PPP1R16A: variants seen among roughly 807,000 people sequenced by gnomAD.
The protein encoded by PPP1R16A is protein phosphatase 1 regulatory subunit 16A.
Under a neutral mutation model 46.6 loss-of-function variants are expected in PPP1R16A, and 39 were observed. The ratio of observed to expected loss-of-function variants is 0.84; its 90% confidence interval spans 0.65 to 1.09. The LOEUF is 1.09. Among genes scored for constraint, PPP1R16A ranks in the 50% least tolerant of loss-of-function variants. The pLI is 0.00. For synonymous variants in PPP1R16A, 413 were observed against 321.5 expected (o/e 1.28, Z -3.04); for missense variants, 798 against 735.6 (o/e 1.08, Z -0.98).
intron 5 of PPP1R16A, chr8:144,499,603 TCACA>T (rs563313473): frequency 2.2e-4 from 41 of 182,336 alleles, no homozygotes; most frequent in African/African-American, 9.0e-4. Flanking sequence ...GGCGGTCGCG[TCACA>T]CACAGGCGCT....
chr8:144,497,363 G>T lies in PPP1R16A; in HGVS notation c.169G>T (p.Glu57Ter). 1 of 1,612,928 alleles carries T rather than the reference G, an allele frequency of 6.2e-7. No homozygotes were observed. Among genetic ancestry groups the T allele is most frequent in the Non-Finnish European group, 8.5e-7 (1 of 1,180,006 alleles). The part of the protein sequence containing the change: ...KKGPGERPRK[E>*]AASQGLLKQV... Reference sequence around the variant, plus strand: ...GGGTCCTGGGGAGCGTCCCCGGAAGGAGGCAGCCAGCCAAGGGCTCCTGAA... The same window carrying T: ...GGGTCCTGGGGAGCGTCCCCGGAAGTAGGCAGCCAGCCAAGGGCTCCTGAA... The change falls in exon 3 of 12, where the codon GAG (glutamate) becomes TAG (stop). Residue 57 changes from glutamate (E) to a stop codon, truncating the protein, a stop_gained. Coordinates refer to ENST00000435887, the MANE Select transcript of PPP1R16A (RefSeq NM_001329443.2). LOFTEE classifies it high-confidence loss of function.
intron 1 of PPP1R16A, 60 bp downstream of exon 1, chr8:144,478,187 CAGGGAG>C: frequency 2.5e-6 from 1 of 393,386 alleles, no homozygotes. Flanking sequence ...GGGCCCCGGC[CAGGGAG>C]AGCAGTGGCG....
chr8:144,488,236 A>G (rs764746541), intron 1 of PPP1R16A, among the ~76,000 whole-genome samples: 1 of 148,336 alleles, frequency 6.7e-6, no homozygotes, highest in African/African-American at 2.5e-5. Flanking sequence ...TCCAGGGGAT[A>G]TGCTTTGGGA....
At chr8:144,492,913 G>A (rs1002669013) in intron 2 of PPP1R16A, among the ~76,000 whole-genome samples, 7 of 152,102 alleles carry the variant, frequency 4.6e-5, no homozygotes, top group East Asian at 1.9e-4. Context: ...GGCTCTCGTC[G>A]CACCATGGAC....
At chr8:144,486,217 C>G (rs1825622647) in intron 1 of PPP1R16A, among the ~76,000 whole-genome samples, 1 of 151,886 alleles carries the variant, frequency 6.6e-6, no homozygotes, top group African/African-American at 2.4e-5. Flanking sequence ...GATCTCGCGC[C>G]ACCACACCTG....
At chr8:144,479,977 G>A (rs906459624) in intron 1 of PPP1R16A, among the ~76,000 whole-genome samples, 1 of 152,226 alleles carries the variant, frequency 6.6e-6, no homozygotes, top group Non-Finnish European at 1.5e-5. Context: ...TGCTGCCTAT[G>A]AGTCAGGAAC....
rs979974848 is a variant in PPP1R16A, at chr8:144,500,375, A to G, written c.689A>G (p.Asp230Gly). Residue 230 changes from aspartate to glycine, a missense_variant, in exon 7 of 12, where the codon GAC (aspartate) becomes GGC (glycine). Asp to Gly is a moderately conservative substitution (Grantham distance 94). Transcript: ENST00000435887. ...QAGADLHAPL[D>G]HGATLLHVAA... ...GGGGCAGACCTCCATGCCCCCCTGG[A>G]CCACGGGGCCACGCTGGTGAGGGCT... is the stretch of plus-strand genomic sequence containing the variant. 6.5e-7 allele frequency: 1 copy of G among 1,530,802 alleles called. No homozygotes were observed. The highest frequency in any genetic ancestry group is 1.4e-5 in the African/African-American group (1 of 72,962). The allele number at this position is 1,530,802 out of a possible 1,614,324, so 94.8% of individuals were successfully genotyped here. A position where few individuals can be genotyped will look rare whatever the true frequency, so the allele number is the denominator to read the frequency against.
At chr8:144,483,795 G>T (rs1825535389) in intron 1 of PPP1R16A, among the ~76,000 whole-genome samples, 1 of 152,116 alleles carries the variant, frequency 6.6e-6, no homozygotes, top group South Asian at 2.1e-4. Flanking sequence ...CAAACTCCTG[G>T]GTTCAAGCAA....
At chr8:144,482,821 G>A (rs909689720) in intron 1 of PPP1R16A, among the ~76,000 whole-genome samples, 4 of 152,066 alleles carry the variant, frequency 2.6e-5, no homozygotes, top group Non-Finnish European at 5.9e-5. Flanking sequence ...GCTGATTTTT[G>A]TAATTTTAGT....
intron 1 of PPP1R16A, among the ~76,000 whole-genome samples, chr8:144,489,600 G>A (rs1368916328): frequency 6.6e-6 from 1 of 152,100 alleles, no homozygotes; most frequent in African/African-American, 2.4e-5. Context: ...GCTTCATGTG[G>A]CTGCAGAGGC....
chr8:144,486,833 G>C (rs1825642780), intron 1 of PPP1R16A, among the ~76,000 whole-genome samples: 2 of 152,094 alleles, frequency 1.3e-5, no homozygotes, highest in Admixed American at 6.6e-5. Context: ...TTTTTAGCAA[G>C]GCAAAAGTTT....
chr8:144,501,371 C>T (rs1263914551), intron 11 of PPP1R16A, 77 bp downstream of exon 11: 16 of 1,500,416 alleles, frequency 1.1e-5, no homozygotes, highest in Non-Finnish European at 1.3e-5. Context: ...GCTTGGACCC[C>T]CTCCTGCCTG....
At position 144,500,759 on chromosome 8, in the gene PPP1R16A, T is replaced by C. The variant is rs374721145; in HGVS notation, c.905T>C (p.Leu302Pro). The change falls in exon 9 of 12, where the codon CTT becomes CCT. Residue 302 changes from leucine to proline, a missense_variant and splice_region_variant. By Grantham distance (98) the Leu-to-Pro change is moderately conservative. Coordinates refer to ENST00000435887, the MANE Select transcript of PPP1R16A (RefSeq NM_001329443.2). The stretch of plus-strand genomic sequence containing the variant: ...AAGTCCCTGATGGACGAGACGCCCC[T>C]TGGTGAGCTTGCGGGGCCCACCTCC... ...NAKSLMDETPLDVCGDEEVRA... is the reference protein window; with the variant it reads ...NAKSLMDETPPDVCGDEEVRA... The C allele has an allele frequency of 6.2e-7, 1 of 1,611,298 alleles. No individual in the cohort carries two copies. The highest frequency in any genetic ancestry group is 8.5e-7 in the Non-Finnish European group (1 of 1,179,452).
Position 144,502,093 on chromosome 8 carries a change from C to T in PPP1R16A, c.*190C>T, listed in dbSNP as rs1826554537. The T allele has an allele frequency of 5.2e-6, 3 of 582,222 alleles. No homozygotes were observed. The highest frequency in any genetic ancestry group is 2.7e-5 in the South Asian group (1 of 36,810). The allele number at this position is 582,222 out of a possible 1,614,324, so 36.1% of individuals were successfully genotyped here. ...TGCAAAGACTATTTTTATCCTGCAA[C>T]TCTTGATAAAGGGCTGTTTTGCCAT... On this transcript the variant is annotated 3_prime_UTR_variant, in exon 12 of 12. Transcript: ENST00000435887.
intron 1 of PPP1R16A, among the ~76,000 whole-genome samples, chr8:144,485,023 G>A (rs1036138642): frequency 6.6e-6 from 1 of 151,986 alleles, no homozygotes; most frequent in African/African-American, 2.4e-5. Context: ...CCAGCACTTC[G>A]GGAGGCCGAG....
At chr8:144,490,932 G>A (rs1307753103) in intron 2 of PPP1R16A, among the ~76,000 whole-genome samples, 4 of 151,084 alleles carry the variant, frequency 2.6e-5, no homozygotes, top group South Asian at 2.1e-4. Context: ...GTGTGGTGGC[G>A]TGCACCTCCC....
rs1246263801 is a variant in PPP1R16A at position 144,501,722 on chromosome 8, A to G, written c.1406A>G (p.Gln469Arg). 8 of 1,590,918 alleles carry G rather than the reference A, an allele frequency of 5.0e-6. No individual in the cohort carries two copies. The highest frequency in any genetic ancestry group is 6.8e-6 in the Non-Finnish European group (8 of 1,169,790). ...LKRQRAAAKL[Q>R]RPPPEGPESP... ...CGCCAGCGAGCTGCTGCCAAGCTGCAGCGACCCCCACCTGAGGGGCCCGAG... is the reference window on the plus strand; with the variant it reads ...CGCCAGCGAGCTGCTGCCAAGCTGCGGCGACCCCCACCTGAGGGGCCCGAG... Residue 469 changes from glutamine (Q) to arginine (R), a missense_variant, in exon 12 of 12, where the codon CAG becomes CGG. Transcript: ENST00000435887.
rs1306719182 is a variant in PPP1R16A at position 144,500,278 on chromosome 8, GAC to G, written c.594_595del (p.Asp198GlufsTer63). 6.4e-7 allele frequency: 1 copy of G among 1,553,418 alleles called. No homozygotes were observed. Among genetic ancestry groups the G allele is most frequent in the Non-Finnish European group, 8.7e-7 (1 of 1,150,280 alleles). ...TAMADRGITQ[D>X]SIEAARAVPE... ...CTGCCGCCTCGCAGGCATCACCCAG[GAC>G]AGCATCGAGGCCGCCCGGGCCGTGC... On this transcript the variant is annotated frameshift_variant, in exon 7 of 12. Transcript: ENST00000435887. LOFTEE classifies it high-confidence loss of function.
At position 144,500,667 on chromosome 8, in the gene PPP1R16A, T is replaced by TCCAG. The variant is rs1554891314; in HGVS notation, c.832-17_832-16insAGCC. The TCCAG allele has an allele frequency of 9.9e-6, 16 of 1,608,474 alleles. No individual in the cohort carries two copies. The African/African-American group carries it at 1.6e-4, about 16-fold the overall frequency. On this transcript the variant is annotated intron_variant, in intron 8 of 11. Transcript: ENST00000435887. ...GGCTTCCAGCGCAGCAGTCTGCAGC[T>TCCAG]CCGGCCTGCCGTCCACAGGTGCCCC...
Sources: allele counts gnomAD v4.1 joint callset (sites outside exome capture counted in the v4.1 genomes callset), GRCh38; gene constraint gnomAD v4.1.1; transcripts MANE v1.5; gene names NCBI Gene and HGNC (gene_info 2026-07-23, HGNC 2026-07-21).